NCOR2: variants seen among roughly 807,000 people sequenced by gnomAD.
NCOR2 encodes nuclear receptor corepressor 2.
A neutral mutation model predicts 262.9 loss-of-function variants in NCOR2; 81 were observed. The ratio of observed to expected loss-of-function variants is 0.31; its 90% confidence interval spans 0.26 to 0.37. The LOEUF (loss-of-function observed/expected upper bound fraction) is 0.37. Ranked by LOEUF, NCOR2 falls within the 10% of genes least tolerant of loss-of-function variation. The pLI, the probability that NCOR2 is intolerant of heterozygous loss-of-function variation, is 1.00. For missense variants in NCOR2, 3,385 were observed against 3,621.4 expected (o/e 0.93, Z 1.68); for synonymous variants, 1,659 against 1,559.3 (o/e 1.06, Z -1.51).
rs1395597459 is a variant in NCOR2 at position 124,388,885 on chromosome 12, G to GGAGGGAGC, written c.1877-2999_1877-2998insGCTCCCTC. 7.2e-6 allele frequency: 4 copies of GGAGGGAGC among 552,194 alleles called. No homozygotes were observed. In the African/African-American group the frequency reaches 7.9e-5, roughly 11 times the overall value. 34.2% of individuals were successfully genotyped at this position (552,194 alleles called of 1,614,324 possible). On this transcript the variant is annotated intron_variant, in intron 16 of 46. Coordinates refer to ENST00000405201, the Ensembl canonical transcript of NCOR2. The stretch of plus-strand genomic sequence containing the variant: ...CACGGTGAGGGAGGGAGGGAGGGAG[G>GGAGGGAGC]GAGGGAGGGAGCGAGGGAGGGAGGG...
chr12:124,450,392 T>A (rs1287360375), intron 6 of NCOR2, among the ~76,000 whole-genome samples: 1 of 151,948 alleles, frequency 6.6e-6, no homozygotes, highest in East Asian at 1.9e-4. Flanking sequence ...TGGGCACACA[T>A]CCCCCAGAGA....
intron 6 of NCOR2, among the ~76,000 whole-genome samples, chr12:124,453,676 C>T (rs1381709487): frequency 1.3e-5 from 2 of 152,230 alleles, no homozygotes; most frequent in East Asian, 1.9e-4. Flanking sequence ...GCCCTCAACC[C>T]GCTGGTGACA....
upstream of NCOR2, among the ~76,000 whole-genome samples, chr12:124,536,663 G>GAA (rs1377158733): frequency 6.6e-6 from 1 of 152,216 alleles, no homozygotes; most frequent in African/African-American, 2.4e-5. Flanking sequence ...ATCAAGTGCT[G>GAA]GTGAGAACAA....
At chr12:124,429,844 C>T in intron 9 of NCOR2, 138 bp from the exon 12 acceptor site, 2 of 798,232 alleles carry the variant, frequency 2.5e-6, no homozygotes, top group Non-Finnish European at 3.9e-6. Flanking sequence ...GCCGGCCCCA[C>T]ACCCGGGGTC....
At chr12:124,543,252 C>G (rs997862856) in intron 1 of NCOR2, among the ~76,000 whole-genome samples, 1 of 152,228 alleles carries the variant, frequency 6.6e-6, no homozygotes, top group Non-Finnish European at 1.5e-5. Context: ...CAGGAACGCG[C>G]CCCAGCCCCA....
At chr12:124,345,090 A>G in intron 31 of NCOR2, 139 bp from the exon 34 acceptor site, 1 of 794,768 alleles carries the variant, frequency 1.3e-6, no homozygotes, top group Non-Finnish European at 1.9e-6. Flanking sequence ...AGGGAGACAG[A>G]GGGCTTTGCT....
rs886275891 is a variant in NCOR2, at chr12:124,457,428, C to G, written c.706-266G>C. On this transcript the variant is annotated intron_variant, in intron 5 of 46. Coordinates refer to ENST00000405201, the Ensembl canonical transcript of NCOR2. This position sits in a 1 kb window ranked among gnomAD's most constrained non-coding sequence, Gnocchi z 4.0. ...TGCGCCGGGTCCACTGAAGCCTGCT[C>G]CCCGGCAGGCGCGCAGGCCTCGCTC... 2.0e-5 allele frequency among the ~76,000 whole-genome samples: 3 copies of G among 152,084 alleles called. No homozygotes were observed. The highest frequency in any genetic ancestry group is 7.2e-5 in the African/African-American group (3 of 41,424).
intron 1 of NCOR2, among the ~76,000 whole-genome samples, chr12:124,555,011 G>C (rs112056729): frequency 0.022 from 1,648 of 74,874 alleles, 30 homozygotes; most frequent in African/African-American, 0.054. Flanking sequence ...CACAGTCCAG[G>C]GGAAAGGGAT....
At chr12:124,487,239 A>G (rs1442280742) in intron 1 of NCOR2, among the ~76,000 whole-genome samples, 1 of 152,200 alleles carries the variant, frequency 6.6e-6, no homozygotes, top group Non-Finnish European at 1.5e-5. Flanking sequence ...CGCCAGGAGA[A>G]GGATGGATGG....
At position 124,356,798 on chromosome 12, in the gene NCOR2, G is replaced by A; in HGVS notation, c.3101-16C>T. 1 of 1,459,616 alleles carries A rather than the reference G, an allele frequency of 6.9e-7. No homozygotes were observed. Among genetic ancestry groups the A allele is most frequent in the Non-Finnish European group, 9.0e-7 (1 of 1,114,112 alleles). The allele number at this position is 1,459,616 out of a possible 1,614,324, so 90.4% of individuals were successfully genotyped here. On this transcript the variant is annotated splice_polypyrimidine_tract_variant and intron_variant, in intron 22 of 46. Coordinates refer to ENST00000405201, the Ensembl canonical transcript of NCOR2. ...GCTGCGAAGGCTGGGAAGAACACAG[G>A]CTTCTCTGCTGAGGGCAGGAGGTGG...
At chr12:124,446,042 C>T (rs1480985637) in intron 7 of NCOR2, among the ~76,000 whole-genome samples, 1 of 152,214 alleles carries the variant, frequency 6.6e-6, no homozygotes, top group Non-Finnish European at 1.5e-5. Flanking sequence ...GGGGCCTGCA[C>T]GGGGCCTCCC....
chr12:124,462,415 C>A (rs151004874), intron 5 of NCOR2, among the ~76,000 whole-genome samples: 4,199 of 152,358 alleles, frequency 0.028, 84 homozygotes, highest in Middle Eastern at 0.048. Flanking sequence ...GGGCAACGGC[C>A]TACCCGGAGC....
chr12:124,335,640 AGGCGG>A lies in NCOR2; in HGVS notation c.6116-13_6116-9del. On this transcript the variant is annotated splice_polypyrimidine_tract_variant and intron_variant, in intron 38 of 46. Transcript: ENST00000405201. ...AGCTGCTGCCGTGGTAACCTAGGGC[AGGCGG>A]GGGGTGCAGAGTCAGGCACCGGGCC... 2 of 1,593,160 alleles carry A rather than the reference AGGCGG, an allele frequency of 1.3e-6. No individual in the cohort carries two copies. Among genetic ancestry groups the A allele is most frequent in the Non-Finnish European group, 1.7e-6 (2 of 1,173,076 alleles).
At chr12:124,461,212 C>T (rs2046142946) in intron 5 of NCOR2, among the ~76,000 whole-genome samples, 1 of 152,266 alleles carries the variant, frequency 6.6e-6, no homozygotes, top group Non-Finnish European at 1.5e-5. Context: ...CCTTTGGGGG[C>T]CGAGGTCTCT....
chr12:124,416,181 T>C (rs1469992684), intron 13 of NCOR2, among the ~76,000 whole-genome samples: 1 of 152,106 alleles, frequency 6.6e-6, no homozygotes, highest in Non-Finnish European at 1.5e-5. Context: ...CGAAGGCAAG[T>C]GTGAGCTGTT....
In NCOR2 at chr12:124,344,879, C is replaced by T. The variant is rs776647943; in HGVS notation, c.4432G>A (p.Gly1478Ser). The T allele has an allele frequency of 9.5e-6, 15 of 1,581,394 alleles. No individual in the cohort carries two copies. Among genetic ancestry groups the T allele is most frequent in the Middle Eastern group, 3.3e-4 (2 of 6,026 alleles). ...GGTGGGAACGTCCGGCCGGGGCTGC[C>T]GATGAGGGAGCGTACGTCGTGCTTT... The change falls in exon 32 of 47, where the codon GGC becomes AGC. Residue 1478 changes from glycine (G) to serine (S), a missense_variant. Coordinates refer to ENST00000405201, the Ensembl canonical transcript of NCOR2.
intron 10 of NCOR2, among the ~76,000 whole-genome samples, chr12:124,427,035 C>CAAG (rs2136327824): frequency 6.6e-6 from 1 of 152,314 alleles, no homozygotes; most frequent in Admixed American, 6.5e-5. Context: ...AGATTCAATG[C>CAAG]AGAGAGCAGC....
At chr12:124,325,971 C>G (rs1403275012) in intron 46 of NCOR2, among the ~76,000 whole-genome samples, 1 of 152,200 alleles carries the variant, frequency 6.6e-6, no homozygotes, top group Non-Finnish European at 1.5e-5. Context: ...CTGGCCGGCC[C>G]CAACCACACC....
At chr12:124,416,573 C>T (rs1023955343) in intron 13 of NCOR2, among the ~76,000 whole-genome samples, 1 of 150,642 alleles carries the variant, frequency 6.6e-6, no homozygotes, top group Non-Finnish European at 1.5e-5. Context: ...AGATAGACCC[C>T]GCGGCACAGG....
Sources: gnomAD v4.1 joint callset for allele counts (sites outside exome capture counted in the v4.1 genomes callset) on GRCh38, gnomAD v4.1.1 for gene constraint, Gnocchi (gnomAD v3.1) non-coding constraint, MANE v1.5 for transcripts, NCBI Gene and HGNC (gene_info 2026-07-23, HGNC 2026-07-21) for gene names.